The following COX7B2 variants were observed in gnomAD, a reference collection of about 807,000 sequenced individuals.
The protein encoded by COX7B2 is cytochrome c oxidase subunit 7B2, mitochondrial.
For synonymous variants in COX7B2, 37 were observed against 32.1 expected, an observed-to-expected ratio of 1.15 and a Z score of -0.51; for missense variants, 109 against 95.9, an observed-to-expected ratio of 1.14 and a Z score of -0.57.
At chr4:46,777,065 C>G (rs762599572) in intron 2 of COX7B2, among the ~76,000 whole-genome samples, 1 of 152,052 alleles carries the variant, frequency 6.6e-6, no homozygotes, top group Non-Finnish European at 1.5e-5. Context: ...GCTGCATCAT[C>G]CAGAGTAAAT....
chr4:46,821,234 C>A (rs750027420), intron 2 of COX7B2, among the ~76,000 whole-genome samples: 1 of 152,110 alleles, frequency 6.6e-6, no homozygotes, highest in Non-Finnish European at 1.5e-5. Context: ...GAAAGACGCA[C>A]CAGAGAGAAT....
At chr4:46,777,985 C>T (rs1399063634) in intron 2 of COX7B2, among the ~76,000 whole-genome samples, 1 of 152,028 alleles carries the variant, frequency 6.6e-6, no homozygotes, top group Non-Finnish European at 1.5e-5. Context: ...ATTGTACTGA[C>T]ATGGTGTCTG....
At chr4:46,767,691 G>T (rs180964297) in intron 2 of COX7B2, among the ~76,000 whole-genome samples, 18 of 151,990 alleles carry the variant, frequency 1.2e-4, no homozygotes, top group Admixed American at 8.5e-4. Flanking sequence ...ATCACTAACA[G>T]GAGAAAAACT....
intron 1 of COX7B2, among the ~76,000 whole-genome samples, chr4:46,877,334 A>C (rs7655866): frequency 1.3e-5 from 2 of 151,960 alleles, no homozygotes; most frequent in Non-Finnish European, 2.9e-5. Context: ...TTATTTACTA[A>C]GACATGTCTC....
At chr4:46,744,333 T>A (rs1317900037) in intron 2 of COX7B2, among the ~76,000 whole-genome samples, 1 of 152,068 alleles carries the variant, frequency 6.6e-6, no homozygotes, top group African/African-American at 2.4e-5. Context: ...ATTGCTACAT[T>A]TCTTCCCTGC....
intron 1 of COX7B2, among the ~76,000 whole-genome samples, chr4:46,859,692 C>A (rs1717223204): frequency 6.6e-6 from 1 of 152,146 alleles, no homozygotes; most frequent in African/African-American, 2.4e-5. Context: ...CCAGAACCAG[C>A]AAATGGCACC....
intron 1 of COX7B2, among the ~76,000 whole-genome samples, chr4:46,847,805 A>C (rs1398276494): frequency 6.6e-6 from 1 of 152,034 alleles, no homozygotes; most frequent in African/African-American, 2.4e-5. Context: ...ATAGACAAAA[A>C]TGCAAGGGAA....
intron 2 of COX7B2, among the ~76,000 whole-genome samples, chr4:46,760,283 A>C (rs981251811): frequency 2.6e-5 from 4 of 152,156 alleles, no homozygotes; most frequent in Admixed American, 6.6e-5. Flanking sequence ...CCCTTTTCAC[A>C]ATAGCAAAGA....
At chr4:46,884,484 T>A (rs1234632295) in intron 1 of COX7B2, among the ~76,000 whole-genome samples, 1 of 152,276 alleles carries the variant, frequency 6.6e-6, no homozygotes, top group Non-Finnish European at 1.5e-5. Flanking sequence ...CACTGAGTTT[T>A]ATCACAAAAA....
At chr4:46,833,918 C>A (rs1325139997) in intron 2 of COX7B2, among the ~76,000 whole-genome samples, 1 of 151,970 alleles carries the variant, frequency 6.6e-6, no homozygotes, top group Non-Finnish European at 1.5e-5. Context: ...AGGTAAAGAT[C>A]CAGTTCAAAA....
Position 46,735,111 on chromosome 4 carries a change from C to T in COX7B2, c.82G>A (p.Val28Ile). 1 of 1,613,996 alleles carries T rather than the reference C, an allele frequency of 6.2e-7. No individual in the cohort carries two copies. Among genetic ancestry groups the T allele is most frequent in the Non-Finnish European group, 8.5e-7 (1 of 1,179,946 alleles). ...TCATGAAAATCTGGTGAGTGTTTTA[C>T]ATGGCTATGTCTTGCCATGCTTTGC... is the stretch of plus-strand genomic sequence containing the variant. Reference protein sequence around the residue: ...ILQSMARHSHVKHSPDFHDKY... With the variant: ...ILQSMARHSHIKHSPDFHDKY... Residue 28 changes from valine (V) to isoleucine (I), a missense_variant, in exon 3 of 3, where the codon GTA becomes ATA. Physicochemically the swap from Val to Ile is conservative, Grantham distance 29 (BLOSUM62 3). Coordinates refer to ENST00000355591, the MANE Select transcript of COX7B2 (RefSeq NM_130902.3).
intron 2 of COX7B2, among the ~76,000 whole-genome samples, chr4:46,747,735 C>T (rs1051281279): frequency 3.3e-5 from 5 of 152,146 alleles, no homozygotes; most frequent in Non-Finnish European, 5.9e-5. Flanking sequence ...TGTCAAATTC[C>T]TAATGACAGC....
Position 46,880,216 on chromosome 4 carries a change from A to C in COX7B2, c.-105+28944T>G, listed in dbSNP as rs533314112. Reference sequence around the variant, plus strand: ...GATTTTTGCATCAATGTACATAAAAAATACTGGTCTGAAGTTTCCTTTATT... The same window carrying C: ...GATTTTTGCATCAATGTACATAAAACATACTGGTCTGAAGTTTCCTTTATT... On this transcript the variant is annotated intron_variant, in intron 1 of 2. Coordinates refer to ENST00000355591, the MANE Select transcript of COX7B2 (RefSeq NM_130902.3). 2.6e-4 allele frequency among the ~76,000 whole-genome samples: 40 copies of C among 152,248 alleles called. No homozygotes were observed. In the South Asian group the frequency reaches 7.9e-3, roughly 30 times the overall value.
At chr4:46,803,248 G>C (rs183449334) in intron 2 of COX7B2, among the ~76,000 whole-genome samples, 1 of 152,064 alleles carries the variant, frequency 6.6e-6, no homozygotes, top group African/African-American at 2.4e-5. Context: ...GAGGCTTTGC[G>C]CGTAATTTCT....
chr4:46,749,686 G>T (rs1464228207), intron 2 of COX7B2, among the ~76,000 whole-genome samples: 5 of 152,190 alleles, frequency 3.3e-5, no homozygotes, highest in Admixed American at 2.6e-4. Context: ...AAACCAGAGG[G>T]TGTGTTAATT....
intron 2 of COX7B2, among the ~76,000 whole-genome samples, chr4:46,807,885 T>A (rs73141216): frequency 0.023 from 3,464 of 152,078 alleles, 121 homozygotes; most frequent in African/African-American, 0.079. Context: ...GGTCCATGTA[T>A]CTGTTTTCAT....
intron 1 of COX7B2, among the ~76,000 whole-genome samples, chr4:46,848,590 C>G (rs566355535): frequency 6.6e-6 from 1 of 152,150 alleles, no homozygotes; most frequent in South Asian, 2.1e-4. Flanking sequence ...AATTATTCCT[C>G]TATTCATTCA....
intron 1 of COX7B2, among the ~76,000 whole-genome samples, chr4:46,907,848 CTTTT>C (rs35024713): frequency 1.8e-4 from 11 of 59,718 alleles, no homozygotes; most frequent in African/African-American, 2.5e-4. Context: ...TTTGAGCAGA[CTTTT>C]TTTTTTTTTT....
At chr4:46,904,455 T>C (rs914024768) in intron 1 of COX7B2, among the ~76,000 whole-genome samples, 14 of 152,150 alleles carry the variant, frequency 9.2e-5, no homozygotes, top group Non-Finnish European at 1.5e-5. Context: ...GATATACAAC[T>C]CATTCACATA....
Sources: allele counts gnomAD v4.1 joint callset (sites outside exome capture counted in the v4.1 genomes callset), GRCh38; gene constraint gnomAD v4.1.1; transcripts MANE v1.5; gene names NCBI Gene and HGNC (gene_info 2026-07-23, HGNC 2026-07-21).